GREB1L: variants seen among roughly 807,000 people sequenced by gnomAD.
The protein encoded by GREB1L is GREB1 like retinoic acid receptor coactivator.
In GREB1L, 17 loss-of-function variants were observed where a neutral mutation model predicts 200.8. The ratio of observed to expected loss-of-function variants is 0.08; its 90% CI spans 0.06 to 0.13. The LOEUF (loss-of-function observed/expected upper bound fraction) is 0.13. Among genes scored for constraint, GREB1L ranks in the 10% least tolerant of loss-of-function variants. The probability of loss-of-function intolerance (pLI) is 1.00; values close to 1 mark genes in which losing one functional copy is unlikely to be tolerated. For missense variants in GREB1L, 1,657 were observed against 2,367.7 expected (o/e 0.70, Z 6.23); for synonymous variants, 789 against 893.0 (o/e 0.88, Z 2.08).
chr18:21,420,962 G>A (rs2032098065), intron 7 of GREB1L, among the ~76,000 whole-genome samples: 3 of 152,064 alleles, frequency 2.0e-5, no homozygotes, highest in African/African-American at 7.2e-5. Context: ...ATGACAATGT[G>A]GATGAATCTC....
chr18:21,505,762 G>A (rs2036986454), intron 24 of GREB1L, 48 bp from the exon 25 acceptor site: 4 of 1,518,724 alleles, frequency 2.6e-6, no homozygotes, highest in East Asian at 4.9e-5. Context: ...CCAGGCATAG[G>A]GAAAACATGT....
chr18:21,476,457 A>G (rs1166385351), intron 16 of GREB1L, among the ~76,000 whole-genome samples: 2 of 152,176 alleles, frequency 1.3e-5, no homozygotes, highest in Admixed American at 1.3e-4. Context: ...GTAGTCTTCT[A>G]TGAGCAGGAA....
At chr18:21,494,596 G>T (rs1361503483) in intron 19 of GREB1L, among the ~76,000 whole-genome samples, 1 of 151,898 alleles carries the variant, frequency 6.6e-6, no homozygotes, top group Non-Finnish European at 1.5e-5. Flanking sequence ...TCCAGCCTGG[G>T]CAACAGAGCA....
intron 7 of GREB1L, among the ~76,000 whole-genome samples, chr18:21,404,343 C>G (rs1337523796): frequency 3.3e-5 from 5 of 152,144 alleles, no homozygotes; most frequent in African/African-American, 1.2e-4. Flanking sequence ...GACTGGAGTT[C>G]CAGGGTAGGG....
chr18:21,371,265 A>G lies in GREB1L; in HGVS notation c.-10+5129A>G, dbSNP rs186464932. Among the ~76,000 whole-genome samples, 17 of 152,204 alleles carry G rather than the reference A, an allele frequency of 1.1e-4. No homozygotes were observed. The Middle Eastern group carries it at 0.014, about 122-fold the overall frequency. On this transcript the variant is annotated intron_variant, in intron 2 of 32. Coordinates refer to ENST00000424526, the MANE Select transcript of GREB1L (RefSeq NM_001142966.3). ...TTGGGCAGTGCTGTTCTTGGTGTCA[A>G]AGGTCATCTCATGATTTGTATATAT... is the stretch of plus-strand genomic sequence containing the variant.
chr18:21,432,188 C>G lies in GREB1L; in HGVS notation c.833-7333C>G, dbSNP rs552295762. ...TCCGCCCACCTCGGCCTCCCAAAGT[C>G]CTGGGATTACAGGCGTGAGCCACCG... On this transcript the variant is annotated intron_variant, in intron 7 of 32. Transcript: ENST00000424526. Among the ~76,000 whole-genome samples, 409 of 152,008 alleles carry G rather than the reference C, an allele frequency of 2.7e-3. 2 individuals carry two copies. Among genetic ancestry groups the G allele is most frequent in the Non-Finnish European group, 4.9e-3 (335 of 67,936 alleles).
intron 4 of GREB1L, among the ~76,000 whole-genome samples, chr18:21,395,108 AAAAAAAAAAAAAAAG>A: frequency 7.9e-6 from 1 of 126,426 alleles, no homozygotes; most frequent in African/African-American, 5.0e-5. Flanking sequence ...TCCATCTCAA[AAAAAAAAAAAAAAAG>A]AAAAAAAAAA....
Position 21,508,195 on chromosome 18 carries a change from T to C in GREB1L, c.4446T>C (p.Ile1482=). 6.4e-7 allele frequency: 1 copy of C among 1,551,700 alleles called. No homozygotes were observed. Among genetic ancestry groups the C allele is most frequent in the Non-Finnish European group, 8.7e-7 (1 of 1,146,994 alleles). ...LGEEVQLYFI[I]PKSKESHFVF... Reference sequence around the variant, plus strand: ...AAGAGGTTCAGCTCTATTTCATCATTCCCAAATCCAAAGAGAGTCATTTTG... The same window carrying C: ...AAGAGGTTCAGCTCTATTTCATCATCCCCAAATCCAAAGAGAGTCATTTTG... The change falls in exon 26 of 33, where the codon ATT becomes ATC. Residue 1482 remains isoleucine, a synonymous_variant. Transcript: ENST00000424526.
At position 21,434,571 on chromosome 18, in the gene GREB1L, G is replaced by GTATATATATATA. The variant is rs148448547; in HGVS notation, c.833-4942_833-4931dup. On this transcript the variant is annotated intron_variant, in intron 7 of 32. Coordinates refer to ENST00000424526, the MANE Select transcript of GREB1L (RefSeq NM_001142966.3). Reference sequence around the variant, plus strand: ...TATATATGTGTGTATATATATGTGTGTATATATATATATATATATGGCTTT... The same window carrying GTATATATATATA: ...TATATATGTGTGTATATATATGTGTGTATATATATATATATATATATATATATATATGGCTTT... Among the ~76,000 whole-genome samples, 7 of 136,302 alleles carry GTATATATATATA rather than the reference G, an allele frequency of 5.1e-5. No individual in the cohort carries two copies. The Middle Eastern group carries it at 0.011, about 215-fold the overall frequency. 89.4% of individuals were successfully genotyped at this position (136,302 alleles called of 152,430 possible).
At chr18:21,338,430 A>T (rs1440979079) in intron 1 of GREB1L, among the ~76,000 whole-genome samples, 1 of 152,258 alleles carries the variant, frequency 6.6e-6, no homozygotes, top group Non-Finnish European at 1.5e-5. Flanking sequence ...TTATATTCAG[A>T]TCAAATATAG....
intron 1 of GREB1L, among the ~76,000 whole-genome samples, chr18:21,285,395 C>A (rs2038338896): frequency 6.6e-6 from 1 of 152,248 alleles, no homozygotes; most frequent in South Asian, 2.1e-4. Flanking sequence ...AAATATTATT[C>A]TTATTTTCCT....
intron 10 of GREB1L, among the ~76,000 whole-genome samples, chr18:21,443,858 A>G (rs1252462732): frequency 6.6e-6 from 1 of 152,240 alleles, no homozygotes; most frequent in Non-Finnish European, 1.5e-5. Flanking sequence ...TACAGTGCCT[A>G]CACATCACGT....
intron 27 of GREB1L, among the ~76,000 whole-genome samples, chr18:21,508,890 CCTGAGCTGAGCACT>C (rs1292560572): frequency 1.3e-5 from 2 of 152,060 alleles, no homozygotes; most frequent in African/African-American, 4.8e-5. Context: ...TGCAAATGTT[CCTGAGCTGAGCACT>C]CTGGGGAAGG....
chr18:21,270,456 A>G (rs1488618834), intron 1 of GREB1L, among the ~76,000 whole-genome samples: 1 of 152,124 alleles, frequency 6.6e-6, no homozygotes, highest in Non-Finnish European at 1.5e-5. Flanking sequence ...ATCTGTGGCT[A>G]TTCCTTGGCT....
At chr18:21,422,979 G>A (rs1390419064) in intron 7 of GREB1L, among the ~76,000 whole-genome samples, 1 of 152,066 alleles carries the variant, frequency 6.6e-6, no homozygotes, top group Non-Finnish European at 1.5e-5. Context: ...TGCCTAAGCT[G>A]GAGTATAGTG....
chr18:21,315,194 A>G (rs2038848983), intron 1 of GREB1L, among the ~76,000 whole-genome samples: 1 of 152,120 alleles, frequency 6.6e-6, no homozygotes, highest in Non-Finnish European at 1.5e-5. Flanking sequence ...GGCTCAAGCA[A>G]TCCTCCCACT....
At chr18:21,299,210 G>A (rs189214918) in intron 1 of GREB1L, among the ~76,000 whole-genome samples, 46 of 151,546 alleles carry the variant, frequency 3.0e-4, no homozygotes, top group African/African-American at 5.3e-4. Flanking sequence ...CCCTGGAGGC[G>A]GAGGTTGCAG....
Position 21,285,492 on chromosome 18 carries a change from AGGTCATATCTGG to A in GREB1L, c.-120+43101_-120+43112del, listed in dbSNP as rs569403461. ...ATAAATGCAGGTTTTCTTGGAGGCC[AGGTCATATCTGG>A]GAGAGTAGTGGAAAATGAGACCAAT... On this transcript the variant is annotated intron_variant, in intron 1 of 32. Transcript: ENST00000424526. Among the ~76,000 whole-genome samples the A allele has an allele frequency of 2.6e-4, 40 of 152,336 alleles. No individual in the cohort carries two copies. In the East Asian group the frequency reaches 6.6e-3, roughly 25 times the overall value.
At position 21,500,352 on chromosome 18, in the gene GREB1L, C is replaced by T. The variant is rs12956022; in HGVS notation, c.3969+46C>T. On this transcript the variant is annotated intron_variant, in intron 22 of 32. Coordinates refer to ENST00000424526, the MANE Select transcript of GREB1L (RefSeq NM_001142966.3). ...GCCGTTTCTTAGGCTGGGGTTGGCGCGTCTTCCTCAAGAAGTAGAAGCCAG... is the reference window on the plus strand; with the variant it reads ...GCCGTTTCTTAGGCTGGGGTTGGCGTGTCTTCCTCAAGAAGTAGAAGCCAG... 8 of 904,766 alleles carry T rather than the reference C, an allele frequency of 8.8e-6. 1 individual carries two copies. Among genetic ancestry groups the T allele is most frequent in the East Asian group, 7.9e-5 (3 of 38,046 alleles). The allele number at this position is 904,766 out of a possible 1,614,324, so 56.0% of individuals were successfully genotyped here. A position where few individuals can be genotyped will look rare whatever the true frequency, so the allele number is the denominator to read the frequency against.
Sources: allele counts gnomAD v4.1 joint callset (sites outside exome capture counted in the v4.1 genomes callset), GRCh38; gene constraint gnomAD v4.1.1; transcripts MANE v1.5; gene names NCBI Gene and HGNC (gene_info 2026-07-23, HGNC 2026-07-21).